Variants in TAFA4 observed in about 807,000 individuals in gnomAD.
The protein encoded by TAFA4 is TAFA chemokine like family member 4.
Under a neutral mutation model 21.1 loss-of-function variants are expected in TAFA4, and 20 were observed. The observed-to-expected ratio is 0.95, with a 90% CI of 0.67 to 1.38. TAFA4 has a LOEUF of 1.38. Among genes scored for constraint, TAFA4 ranks in the 40% most tolerant of loss-of-function variants. The pLI, the probability that TAFA4 is intolerant of heterozygous loss-of-function variation, is 0.00. For synonymous variants in TAFA4, 71 were observed against 67.4 expected (o/e 1.05, Z -0.26); for missense variants, 211 against 180.9 (o/e 1.17, Z -0.95).
chr3:68,914,592 A>G (rs1189646949), intron 1 of TAFA4, among the ~76,000 whole-genome samples: 2 of 152,222 alleles, frequency 1.3e-5, no homozygotes, highest in Non-Finnish European at 2.9e-5. Context: ...CACTTCATCA[A>G]TTAAGCTACA....
rs527771652 is a variant in TAFA4 at position 68,855,611 on chromosome 3, A to G, written c.130+25119T>C. Reference sequence around the variant, plus strand: ...TAAGACAAACTGATAAGTAGGGGGGAAAAAAGTTGTAGAACAATATCTAGA... The same window carrying G: ...TAAGACAAACTGATAAGTAGGGGGGGAAAAAGTTGTAGAACAATATCTAGA... On this transcript the variant is annotated intron_variant, in intron 3 of 5. Coordinates refer to ENST00000295569, the MANE Select transcript of TAFA4 (RefSeq NM_182522.5). Among the ~76,000 whole-genome samples the G allele has an allele frequency of 5.9e-5, 9 of 152,170 alleles. No homozygotes were observed. The South Asian group carries it at 1.9e-3, about 32-fold the overall frequency.
chr3:68,862,997 T>G (rs2089367206), intron 3 of TAFA4, among the ~76,000 whole-genome samples: 1 of 146,940 alleles, frequency 6.8e-6, no homozygotes, highest in African/African-American at 2.5e-5. Context: ...ACTGTGGGAG[T>G]CCAAGGCTGA....
chr3:68,885,809 T>C (rs2089667027), intron 1 of TAFA4, among the ~76,000 whole-genome samples: 1 of 152,124 alleles, frequency 6.6e-6, no homozygotes, highest in South Asian at 2.1e-4. Flanking sequence ...AAAATATTAA[T>C]AGGACACCAA....
At chr3:68,767,770 A>AT in intron 3 of TAFA4, among the ~76,000 whole-genome samples, 1 of 152,042 alleles carries the variant, frequency 6.6e-6, no homozygotes, top group Non-Finnish European at 1.5e-5. Context: ...AAGTCCTTAT[A>AT]TGTATACATA....
intron 3 of TAFA4, among the ~76,000 whole-genome samples, chr3:68,801,242 TC>T (rs1363048083): frequency 6.6e-6 from 1 of 151,980 alleles, no homozygotes; most frequent in African/African-American, 2.4e-5. Flanking sequence ...CTCATCCACG[TC>T]CCCCTGGGCC....
chr3:68,834,047 T>C (rs940602006), intron 3 of TAFA4, among the ~76,000 whole-genome samples: 1 of 152,274 alleles, frequency 6.6e-6, no homozygotes, highest in Admixed American at 6.5e-5. Flanking sequence ...CACCCTGACT[T>C]CTCTCCCCAA....
intron 3 of TAFA4, among the ~76,000 whole-genome samples, chr3:68,764,078 T>C (rs1266871237): frequency 6.6e-6 from 1 of 152,130 alleles, no homozygotes; most frequent in Non-Finnish European, 1.5e-5. Context: ...CCCTACAAAT[T>C]CATATGTTGA....
intron 3 of TAFA4, among the ~76,000 whole-genome samples, chr3:68,786,321 C>T (rs1703261011): frequency 6.6e-6 from 1 of 152,038 alleles, no homozygotes; most frequent in Non-Finnish European, 1.5e-5. Flanking sequence ...AACTATGAGG[C>T]CAGGTGAGGT....
chr3:68,789,136 C>A (rs1703317414), intron 3 of TAFA4, among the ~76,000 whole-genome samples: 2 of 151,058 alleles, frequency 1.3e-5, no homozygotes, highest in African/African-American at 4.9e-5. Flanking sequence ...GGGGCTGAGG[C>A]AGGAGAATGG....
At chr3:68,923,841 A>C (rs552987744) in intron 1 of TAFA4, among the ~76,000 whole-genome samples, 11 of 152,278 alleles carry the variant, frequency 7.2e-5, no homozygotes, top group Admixed American at 6.5e-4. Context: ...AAGAATGAAT[A>C]ATCTACTAAG....
chr3:68,828,397 T>C (rs1704303605), intron 3 of TAFA4, among the ~76,000 whole-genome samples: 1 of 152,228 alleles, frequency 6.6e-6, no homozygotes, highest in African/African-American at 2.4e-5. Context: ...AAAGTAGTTT[T>C]TTCCAATTCT....
chr3:68,865,970 G>A (rs994032318), intron 3 of TAFA4, among the ~76,000 whole-genome samples: 5 of 152,036 alleles, frequency 3.3e-5, no homozygotes, highest in Admixed American at 1.3e-4. Flanking sequence ...TTCTACACTG[G>A]AAAAAAGTGA....
chr3:68,931,911 T>C (rs2090162651), intron 1 of TAFA4, among the ~76,000 whole-genome samples: 2 of 152,032 alleles, frequency 1.3e-5, no homozygotes, highest in South Asian at 4.2e-4. Context: ...CTATACCAAT[T>C]CATCGAGTGG....
intron 3 of TAFA4, among the ~76,000 whole-genome samples, chr3:68,814,298 T>C (rs1409156836): frequency 6.6e-6 from 1 of 152,148 alleles, no homozygotes; most frequent in Non-Finnish European, 1.5e-5. Context: ...GTCAACATAG[T>C]GTTGGAAGTT....
intron 3 of TAFA4, among the ~76,000 whole-genome samples, chr3:68,823,459 T>C (rs200153541): frequency 2.0e-5 from 3 of 152,300 alleles, no homozygotes; most frequent in Non-Finnish European, 2.9e-5. Context: ...TTTTTATTTT[T>C]AGTTCTGGGG....
chr3:68,849,976 T>C (rs900341258), intron 3 of TAFA4, among the ~76,000 whole-genome samples: 1 of 152,206 alleles, frequency 6.6e-6, no homozygotes, highest in African/African-American at 2.4e-5. Flanking sequence ...TACAACATGA[T>C]GATTTGATAA....
intron 3 of TAFA4, among the ~76,000 whole-genome samples, chr3:68,871,552 A>G (rs1230450485): frequency 2.6e-5 from 4 of 152,152 alleles, no homozygotes; most frequent in African/African-American, 9.7e-5. Context: ...TTGAAAGCAC[A>G]GGTCACAAAA....
rs187446745 is a variant in TAFA4 at position 68,751,236 on chromosome 3, T to G, written c.286+1627A>C. Among the ~76,000 whole-genome samples the G allele has an allele frequency of 1.4e-4, 22 of 152,292 alleles. No homozygotes were observed. The East Asian group carries it at 3.5e-3, about 24-fold the overall frequency. On this transcript the variant is annotated intron_variant, in intron 4 of 5. Transcript: ENST00000295569. Reference sequence around the variant, plus strand: ...GGCTCGGCAAGCCATGGTAAAGAACTCCTGGAGTTTATCTTAAAGAGAGTG... The same window carrying G: ...GGCTCGGCAAGCCATGGTAAAGAACGCCTGGAGTTTATCTTAAAGAGAGTG...
chr3:68,755,022 T>G (rs192248004), intron 3 of TAFA4, among the ~76,000 whole-genome samples: 3 of 152,318 alleles, frequency 2.0e-5, no homozygotes, highest in Non-Finnish European at 1.5e-5. Flanking sequence ...CGAATCTCAA[T>G]GTGTAGGTTT....
Sources: allele counts gnomAD v4.1 joint callset (sites outside exome capture counted in the v4.1 genomes callset), GRCh38; gene constraint gnomAD v4.1.1; transcripts MANE v1.5; gene names NCBI Gene and HGNC (gene_info 2026-07-23, HGNC 2026-07-21).